The following DSCAML1 variants were observed in gnomAD, a reference collection of about 807,000 sequenced individuals.
The protein encoded by DSCAML1 is cell adhesion molecule DSCAML1.
In DSCAML1, 38 loss-of-function variants were observed where a neutral mutation model predicts 200.5. That is an observed-to-expected ratio of 0.19 (90% CI 0.15 to 0.25). The LOEUF is 0.25. DSCAML1 is among the 10% of genes least tolerant of loss of function. The pLI, the probability that DSCAML1 is intolerant of heterozygous loss-of-function variation, is 1.00. For synonymous variants in DSCAML1, 1,215 were observed against 1,165.0 expected (o/e 1.04, Z -0.87); for missense variants, 2,223 against 2,858.8 (o/e 0.78, Z 5.07).
At chr11:117,704,713 T>A (rs1396053941) in intron 3 of DSCAML1, among the ~76,000 whole-genome samples, 2 of 152,182 alleles carry the variant, frequency 1.3e-5, no homozygotes, top group African/African-American at 2.4e-5. Context: ...AAGGTAGGTG[T>A]CATGCACACC....
intron 3 of DSCAML1, among the ~76,000 whole-genome samples, chr11:117,577,479 TTCCTTCCTTCCTTCCTTCCTTCCTTCCC>T (rs1214058485): frequency 0.047 from 1,617 of 34,268 alleles, 40 homozygotes; most frequent in South Asian, 0.063. Flanking sequence ...CCTTCCTTCC[TTCCTTCCTTCCTTCCTTCCTTCCTTCCC>T]TCCTTCCTTC....
At chr11:117,630,045 C>G (rs2052137719) in intron 3 of DSCAML1, among the ~76,000 whole-genome samples, 1 of 152,132 alleles carries the variant, frequency 6.6e-6, no homozygotes, top group Non-Finnish European at 1.5e-5. Context: ...TTAAGCCCGA[C>G]AGGAACTGAG....
At chr11:117,532,133 A>G (rs527717035) in intron 4 of DSCAML1, among the ~76,000 whole-genome samples, 1 of 148,414 alleles carries the variant, frequency 6.7e-6, no homozygotes, top group Admixed American at 6.7e-5. Flanking sequence ...AGGAAAGACA[A>G]AAAAAAAAGG....
chr11:117,540,148 T>C (rs2137363322), intron 3 of DSCAML1, among the ~76,000 whole-genome samples: 1 of 152,310 alleles, frequency 6.6e-6, no homozygotes, highest in South Asian at 2.1e-4. Context: ...GGGAGTTGTT[T>C]AATGCAGGGG....
chr11:117,518,414 G>A lies in DSCAML1; in HGVS notation c.1510+52C>T. 1 of 1,606,790 alleles carries A rather than the reference G, an allele frequency of 6.2e-7. No homozygotes were observed. ...GCACAAGAATAATGGTAACCACAGA[G>A]ATGGCAAAGGAACTCAAAAACCTAT... On this transcript the variant is annotated intron_variant, in intron 7 of 32. Coordinates refer to ENST00000651296, the MANE Select transcript of DSCAML1 (RefSeq NM_020693.4). The surrounding 1 kb of genome is among the most constrained non-coding windows in gnomAD (Gnocchi z 6.3).
Position 117,463,419 on chromosome 11 carries a change from C to T in DSCAML1, c.3265+1523G>A, listed in dbSNP as rs151012913. On this transcript the variant is annotated intron_variant, in intron 17 of 32. Transcript: ENST00000651296. This position sits in a 1 kb window ranked among gnomAD's most constrained non-coding sequence, Gnocchi z 4.0. The stretch of plus-strand genomic sequence containing the variant: ...TGCTGTATTGTCCATGCTGGACACC[C>T]GGATTAGAAATGAACATTCTTGGCC... Among the ~76,000 whole-genome samples, 257 of 151,580 alleles carry T rather than the reference C, an allele frequency of 1.7e-3. No homozygotes were observed. Among genetic ancestry groups the T allele is most frequent in the African/African-American group, 6.0e-3 (246 of 41,260 alleles).
chr11:117,465,135 A>T lies in DSCAML1; in HGVS notation c.3072T>A (p.Ile1024=). 1 of 1,613,998 alleles carries T rather than the reference A, an allele frequency of 6.2e-7. No individual in the cohort carries two copies. The highest frequency in any genetic ancestry group is 8.5e-7 in the Non-Finnish European group (1 of 1,179,986). ...TGCCGGGGCTGTTCTCTCTGTAGCC[A>T]ATCTGGTAGCCCCGGATGACACCGT... ...LQNGVIRGYQ[I]GYRENSPGSN... is the part of the protein sequence containing the mutation. Residue 1024 remains isoleucine, a synonymous_variant, in exon 17 of 33, where the codon ATT becomes ATA. Transcript: ENST00000651296.
At chr11:117,711,373 A>C (rs532096587) in intron 3 of DSCAML1, among the ~76,000 whole-genome samples, 1 of 152,308 alleles carries the variant, frequency 6.6e-6, no homozygotes, top group South Asian at 2.1e-4. Context: ...TGAGGGGCAG[A>C]ATAGCTTGCA....
chr11:117,783,576 C>T (rs528307644), intron 1 of DSCAML1, among the ~76,000 whole-genome samples: 4 of 152,218 alleles, frequency 2.6e-5, no homozygotes, highest in African/African-American at 9.6e-5. Flanking sequence ...ATTTAATCTT[C>T]ATAACTCCCT....
At chr11:117,808,012 G>C (rs2055723494) in intron 1 of DSCAML1, among the ~76,000 whole-genome samples, 2 of 152,150 alleles carry the variant, frequency 1.3e-5, no homozygotes, top group Non-Finnish European at 1.5e-5. Context: ...AGTAGAGATG[G>C]GGTTTCACTT....
intron 3 of DSCAML1, among the ~76,000 whole-genome samples, chr11:117,594,165 A>G (rs1334431319): frequency 1.3e-5 from 2 of 152,184 alleles, no homozygotes; most frequent in Non-Finnish European, 2.9e-5. Flanking sequence ...AGGAATTCCA[A>G]GGGAGGTGCA....
chr11:117,585,249 T>A (rs1049855943), intron 3 of DSCAML1, among the ~76,000 whole-genome samples: 6 of 152,224 alleles, frequency 3.9e-5, no homozygotes, highest in African/African-American at 1.4e-4. Context: ...GGTTTTCTGC[T>A]ATTTTTTTTC....
At chr11:117,591,152 TC>T (rs2051251228) in intron 3 of DSCAML1, among the ~76,000 whole-genome samples, 1 of 150,204 alleles carries the variant, frequency 6.7e-6, no homozygotes, top group Non-Finnish European at 1.5e-5. Context: ...TTTTAAAAAT[TC>T]ATTTATGTAT....
Position 117,432,492 on chromosome 11 carries a change from G to A in DSCAML1, c.5039C>T (p.Ala1680Val). 1.2e-6 allele frequency: 2 copies of A among 1,613,964 alleles called. No homozygotes were observed. Among genetic ancestry groups the A allele is most frequent in the Non-Finnish European group, 1.7e-6 (2 of 1,179,986 alleles). Reference protein sequence around the residue: ...EGIKQLGDDKATIPVTDAEFS... With the variant: ...EGIKQLGDDKVTIPVTDAEFS... ...CTCAGCATCTGTCACAGGGATGGTG[G>A]CCTTGTCATCTCCTGGGGAAAGAAG... The change falls in exon 30 of 33, where the codon GCC (alanine) becomes GTC (valine). Residue 1680 changes from alanine to valine, a missense_variant. Coordinates refer to ENST00000651296, the MANE Select transcript of DSCAML1 (RefSeq NM_020693.4).
At chr11:117,510,770 G>A (rs546983098) in intron 8 of DSCAML1, among the ~76,000 whole-genome samples, 20 of 152,164 alleles carry the variant, frequency 1.3e-4, no homozygotes, top group African/African-American at 3.4e-4. Context: ...AATGACATTC[G>A]TGGTCATTAT....
At chr11:117,486,911 CTTTTTTTTTTTTTTT>C (rs56805170) in intron 11 of DSCAML1, among the ~76,000 whole-genome samples, 120 of 79,668 alleles carry the variant, frequency 1.5e-3, no homozygotes, top group East Asian at 7.1e-3. Context: ...TGTAAAATAC[CTTTTTTTTTTTTTTT>C]TTTTTTTTTT....
intron 21 of DSCAML1, among the ~76,000 whole-genome samples, chr11:117,441,398 C>G (rs1207386462): frequency 3.3e-5 from 5 of 152,154 alleles, no homozygotes; most frequent in African/African-American, 1.2e-4. Flanking sequence ...GATGAGGCCA[C>G]AGGAGGGGAT....
intron 3 of DSCAML1, among the ~76,000 whole-genome samples, chr11:117,684,435 TAAAAAA>T (rs149958154): frequency 1.5e-4 from 11 of 74,612 alleles, no homozygotes; most frequent in Admixed American, 5.3e-4. Context: ...TTTCATTAAC[TAAAAAA>T]AAAAAAAAAA....
chr11:117,616,316 G>T (rs2137540849), intron 3 of DSCAML1, among the ~76,000 whole-genome samples: 1 of 152,316 alleles, frequency 6.6e-6, no homozygotes, highest in Admixed American at 6.5e-5. Context: ...GCTGACACAG[G>T]GGATTAGGAG....
Sources: gnomAD v4.1 joint callset for allele counts (sites outside exome capture counted in the v4.1 genomes callset) on GRCh38, gnomAD v4.1.1 for gene constraint, Gnocchi (gnomAD v3.1) non-coding constraint, MANE v1.5 for transcripts, NCBI Gene and HGNC (gene_info 2026-07-23, HGNC 2026-07-21) for gene names.